ADCY10: variants seen among roughly 807,000 people sequenced by gnomAD.
ADCY10 encodes the protein adenylate cyclase 10, also known as adenylate cyclase type 10.
Under a neutral mutation model 183.3 loss-of-function variants are expected in ADCY10, and 156 were observed. The observed-to-expected ratio is 0.85, with a 90% CI of 0.75 to 0.97. The LOEUF (loss-of-function observed/expected upper bound fraction) is 0.97. Ranked by LOEUF, ADCY10 falls within the 50% of genes least tolerant of loss-of-function variation. The pLI is 0.00. For missense variants in ADCY10, 1,745 were observed against 1,934.3 expected (o/e 0.90, Z 1.84); for synonymous variants, 645 against 670.0 (o/e 0.96, Z 0.58).
At chr1:167,849,849 C>T (rs1298108797) in intron 18 of ADCY10, among the ~76,000 whole-genome samples, 2 of 152,250 alleles carry the variant, frequency 1.3e-5, no homozygotes, top group East Asian at 1.9e-4. Context: ...GAGAGGCCAA[C>T]GCGAAGGCAC....
Position 167,846,113 on chromosome 1 carries a change from G to C in ADCY10, c.2588C>G (p.Thr863Ser), listed in dbSNP as rs748327794. 6 of 1,614,042 alleles carry C rather than the reference G, an allele frequency of 3.7e-6. No individual in the cohort carries two copies. In the African/African-American group the frequency reaches 6.7e-5, roughly 18 times the overall value. The change falls in exon 20 of 33, where the codon ACC becomes AGC. Residue 863 changes from threonine to serine, a missense_variant. Transcript: ENST00000367851. ...ATAAAAAATGTTAGATTCCACTAGG[G>C]TTGCCAGGGTCTTGATCATCATCTT... ...NMKMMIKTLA[T>S]LVESNIFYCF...
intron 14 of ADCY10, among the ~76,000 whole-genome samples, chr1:167,868,047 A>C (rs203812): frequency 0.095 from 14,431 of 152,192 alleles, 1,718 homozygotes; most frequent in East Asian, 0.27. Flanking sequence ...AAAGGACTAG[A>C]TCCTAGAGTA....
chr1:167,884,693 AAT>A (rs1491318013), intron 8 of ADCY10, among the ~76,000 whole-genome samples: 10 of 118,846 alleles, frequency 8.4e-5, no homozygotes, highest in African/African-American at 2.7e-4. Flanking sequence ...CAATCATTTT[AAT>A]TTTTTTTTTT....
intron 31 of ADCY10, among the ~76,000 whole-genome samples, chr1:167,817,411 A>C (rs995402669): frequency 2.6e-5 from 4 of 152,220 alleles, no homozygotes; most frequent in Non-Finnish European, 4.4e-5. Flanking sequence ...AATGAGTGAC[A>C]GAGCAATAGA....
chr1:167,892,459 C>T (rs1304292500), intron 8 of ADCY10, among the ~76,000 whole-genome samples: 1 of 152,146 alleles, frequency 6.6e-6, no homozygotes, highest in Non-Finnish European at 1.5e-5. Flanking sequence ...TACCTCTTCA[C>T]CAGGTAAACA....
chr1:167,833,435 C>T (rs186813485), intron 24 of ADCY10, among the ~76,000 whole-genome samples: 41 of 152,188 alleles, frequency 2.7e-4, no homozygotes, highest in Non-Finnish European at 5.3e-4. Context: ...GAGATTGTAA[C>T]AAAAATATTT....
chr1:167,876,928 T>C (rs1039862220), intron 12 of ADCY10, among the ~76,000 whole-genome samples: 3 of 152,128 alleles, frequency 2.0e-5, no homozygotes, highest in Non-Finnish European at 2.9e-5. Context: ...ATGAGACACA[T>C]AGAGCCAGAT....
At chr1:167,877,467 C>T (rs1280535870) in intron 12 of ADCY10, among the ~76,000 whole-genome samples, 1 of 151,784 alleles carries the variant, frequency 6.6e-6, no homozygotes, top group Non-Finnish European at 1.5e-5. Context: ...TTGAAGACCT[C>T]GATTCCAGCT....
At chr1:167,893,611 G>T (rs1668746187) in intron 8 of ADCY10, among the ~76,000 whole-genome samples, 1 of 145,168 alleles carries the variant, frequency 6.9e-6, no homozygotes, top group South Asian at 2.2e-4. Context: ...CAGGAGAATT[G>T]CTTGAACCCG....
Position 167,880,169 on chromosome 1 carries a change from T to A in ADCY10, c.1162A>T (p.Ser388Cys), listed in dbSNP as rs771957319. 6.2e-7 allele frequency: 1 copy of A among 1,613,474 alleles called. No individual in the cohort carries two copies. The highest frequency in any genetic ancestry group is 2.2e-5 in the East Asian group (1 of 44,882). ...ACGATCCCACAGAAGACAATCCCAC[T>A]GGCAACACCGATGGATACAGTTCTG... Reference protein sequence around the residue: ...KIQTVSIGVASGIVFCGIVGH... With the variant: ...KIQTVSIGVACGIVFCGIVGH... The change falls in exon 11 of 33, where the codon AGT becomes TGT. Residue 388 changes from serine (S) to cysteine (C), a missense_variant. Physicochemically the swap from Ser to Cys is moderately radical, Grantham distance 112. Transcript: ENST00000367851.
In ADCY10 at chr1:167,880,198, C is replaced by G. The variant is rs764128058; in HGVS notation, c.1140-7G>C. ...AACACCGATGGATACAGTTCTGGTG[C>G]AGGGGAGACAAGATTTGTGGGGAAA... On this transcript the variant is annotated splice_polypyrimidine_tract_variant and splice_region_variant and intron_variant, in intron 10 of 32. Coordinates refer to ENST00000367851, the MANE Select transcript of ADCY10 (RefSeq NM_018417.6). The G allele has an allele frequency of 4.7e-5, 75 of 1,610,238 alleles. No homozygotes were observed. Among genetic ancestry groups the G allele is most frequent in the East Asian group, 4.5e-5 (2 of 44,868 alleles).
intron 18 of ADCY10, among the ~76,000 whole-genome samples, chr1:167,851,141 C>T (rs563557507): frequency 6.6e-6 from 1 of 152,176 alleles, no homozygotes; most frequent in Non-Finnish European, 1.5e-5. Context: ...CTCCCAAATA[C>T]TTTACTCTGT....
intron 14 of ADCY10, among the ~76,000 whole-genome samples, chr1:167,869,802 G>A (rs1277659451): frequency 6.6e-6 from 1 of 151,912 alleles, no homozygotes; most frequent in Non-Finnish European, 1.5e-5. Context: ...TGACGAGCTC[G>A]GATTTTGAGA....
rs575384606 is a variant in ADCY10 at position 167,811,800 on chromosome 1, G to A, written c.4483-887C>T. 3.9e-5 allele frequency among the ~76,000 whole-genome samples: 6 copies of A among 152,264 alleles called. No individual in the cohort carries two copies. The South Asian group carries it at 6.2e-4, about 16-fold the overall frequency. ...AATTGCTAGAAACTCAGACTGGACC[G>A]GTCTGGGAGTTAAAAACTCTAGGGA... On this transcript the variant is annotated intron_variant, in intron 31 of 32. Transcript: ENST00000367851.
chr1:167,826,452 C>T (rs891702217), intron 26 of ADCY10, among the ~76,000 whole-genome samples: 2 of 152,230 alleles, frequency 1.3e-5, no homozygotes, highest in Non-Finnish European at 2.9e-5. Flanking sequence ...ATGCTGAGTC[C>T]CTCACCTGCC....
At position 167,899,480 on chromosome 1, in the gene ADCY10, C is replaced by T. The variant is rs1454683106; in HGVS notation, c.585G>A (p.Gln195=). ...TTTCAATCATGCTCCGGTCACAGAG[C>T]TGCCAGCAGTTTGGTGACAGAATAA... The part of the protein sequence containing the change: ...NDVILSPNCW[Q]LCDRSMIEIE... The change falls in exon 6 of 33, where the codon CAG becomes CAA. Residue 195 remains glutamine (Q), a synonymous_variant. Coordinates refer to ENST00000367851, the MANE Select transcript of ADCY10 (RefSeq NM_018417.6). The T allele has an allele frequency of 6.2e-7, 1 of 1,614,226 alleles. No individual in the cohort carries two copies. The highest frequency in any genetic ancestry group is 1.3e-5 in the African/African-American group (1 of 75,070).
intron 7 of ADCY10, among the ~76,000 whole-genome samples, chr1:167,894,922 C>T (rs1668855459): frequency 6.6e-6 from 1 of 152,150 alleles, no homozygotes; most frequent in Admixed American, 6.5e-5. Flanking sequence ...CGGTGGCTCA[C>T]ACCTGTAATC....
intron 1 of ADCY10, among the ~76,000 whole-genome samples, chr1:167,913,542 A>T (rs1434994249): frequency 6.6e-6 from 1 of 152,118 alleles, no homozygotes; most frequent in East Asian, 1.9e-4. Context: ...TTCCCATACA[A>T]ATATCCTTGA....
chr1:167,817,759 G>A (rs1662618384), intron 31 of ADCY10, among the ~76,000 whole-genome samples: 1 of 152,062 alleles, frequency 6.6e-6, no homozygotes, highest in African/African-American at 2.4e-5. Context: ...TTTAAATCGT[G>A]ATGTGAAAAA....
Sources: gnomAD v4.1 joint callset for allele counts (sites outside exome capture counted in the v4.1 genomes callset) on GRCh38, gnomAD v4.1.1 for gene constraint, MANE v1.5 for transcripts, NCBI Gene and HGNC (gene_info 2026-07-23, HGNC 2026-07-21) for gene names.